ESRRG: variants seen among roughly 807,000 people sequenced by gnomAD.
ESRRG encodes estrogen related receptor gamma, also known as estrogen-related receptor gamma.
A neutral mutation model predicts 44.0 loss-of-function variants in ESRRG; 13 were observed. The observed-to-expected ratio is 0.30, with a 90% CI of 0.19 to 0.47. The LOEUF (loss-of-function observed/expected upper bound fraction) is 0.47. Among genes scored for constraint, ESRRG ranks in the 20% least tolerant of loss-of-function variants. The probability of loss-of-function intolerance (pLI) is 1.00; values close to 1 mark genes in which losing one functional copy is unlikely to be tolerated. For missense variants in ESRRG, 395 were observed against 580.6 expected (o/e 0.68, Z 3.29); for synonymous variants, 215 against 214.6 (o/e 1.00, Z -0.02).
At chr1:216,872,846 G>A (rs2096277278) in intron 2 of ESRRG, among the ~76,000 whole-genome samples, 1 of 152,020 alleles carries the variant, frequency 6.6e-6, no homozygotes, top group African/African-American at 2.4e-5. Flanking sequence ...AAATTTTTCT[G>A]GTTTTTCTTA....
At chr1:216,726,027 T>C (rs899463315), upstream of ESRRG, among the ~76,000 whole-genome samples, 1 of 152,208 alleles carries the variant, frequency 6.6e-6, no homozygotes, top group Non-Finnish European at 1.5e-5. Flanking sequence ...CTCATTATGA[T>C]CCATTTGACT....
At chr1:216,958,150 T>C (rs527962782) in intron 1 of ESRRG, among the ~76,000 whole-genome samples, 42 of 152,342 alleles carry the variant, frequency 2.8e-4, no homozygotes, top group African/African-American at 9.6e-4. Flanking sequence ...TTCCATTGTA[T>C]AAATATCCCC....
At chr1:216,950,448 G>A (rs2066767880) in intron 1 of ESRRG, among the ~76,000 whole-genome samples, 1 of 152,174 alleles carries the variant, frequency 6.6e-6, no homozygotes, top group African/African-American at 2.4e-5. Context: ...TAGTAAAGGA[G>A]AGTGTATCTG....
intron 1 of ESRRG, among the ~76,000 whole-genome samples, chr1:216,957,539 C>T (rs2150137906): frequency 6.6e-6 from 1 of 152,190 alleles, no homozygotes; most frequent in South Asian, 2.1e-4. Context: ...CAGAAACATC[C>T]TCAACTCTTT....
intron 1 of ESRRG, among the ~76,000 whole-genome samples, chr1:216,704,282 G>A (rs535935777): frequency 6.6e-6 from 1 of 152,196 alleles, no homozygotes; most frequent in Non-Finnish European, 1.5e-5. Flanking sequence ...GGAAGGCCGA[G>A]GCGGGTGGAT....
chr1:216,963,995 A>G (rs2069700918), intron 1 of ESRRG, among the ~76,000 whole-genome samples: 1 of 152,202 alleles, frequency 6.6e-6, no homozygotes, highest in Non-Finnish European at 1.5e-5. Context: ...TTAATCAGGC[A>G]AAGATACTAC....
At chr1:216,662,810 C>G (rs907954633) in intron 2 of ESRRG, among the ~76,000 whole-genome samples, 12 of 152,286 alleles carry the variant, frequency 7.9e-5, no homozygotes, top group Non-Finnish European at 1.8e-4. Context: ...TGCTGTGACT[C>G]CTTAACTCAG....
chr1:216,760,606 A>T (rs73093969), intron 2 of ESRRG, among the ~76,000 whole-genome samples: 6,487 of 152,010 alleles, frequency 0.043, 458 homozygotes, highest in African/African-American at 0.15. Context: ...TTTTCTCTAA[A>T]AATAACATAA....
chr1:216,924,431 T>C (rs2062245778), intron 2 of ESRRG, among the ~76,000 whole-genome samples: 1 of 152,036 alleles, frequency 6.6e-6, no homozygotes, highest in East Asian at 1.9e-4. Context: ...AGGGTCCAAT[T>C]CGCCTCCACA....
chr1:216,801,851 C>T (rs2094632230), intron 2 of ESRRG, among the ~76,000 whole-genome samples: 2 of 152,100 alleles, frequency 1.3e-5, no homozygotes, highest in African/African-American at 2.4e-5. Context: ...TTGATTTCTA[C>T]TTCAGAGGAA....
chr1:216,560,189 C>T (rs1572975738), intron 5 of ESRRG, among the ~76,000 whole-genome samples: 1 of 151,992 alleles, frequency 6.6e-6, no homozygotes, highest in South Asian at 2.1e-4. Flanking sequence ...TAACTCCTGC[C>T]TCCAGTTGAT....
chr1:216,707,446 C>A (rs1294104187), intron 1 of ESRRG: 1 of 1,535,500 alleles, frequency 6.5e-7, no homozygotes, highest in Non-Finnish European at 8.7e-7. Context: ...TCTAAATGCA[C>A]AATTCCTAAT....
chr1:217,019,104 C>T (rs78146833), intron 1 of ESRRG, among the ~76,000 whole-genome samples: 48 of 152,282 alleles, frequency 3.2e-4, no homozygotes, highest in Non-Finnish European at 5.6e-4. Context: ...TTTTATTTCT[C>T]AGATAAAATT....
intron 2 of ESRRG, among the ~76,000 whole-genome samples, chr1:216,901,039 C>T (rs774480627): frequency 6.6e-6 from 1 of 152,170 alleles, no homozygotes; most frequent in Non-Finnish European, 1.5e-5. Flanking sequence ...ATCCCAGATT[C>T]ATTGCTGCTG....
chr1:217,075,590 C>CCA (rs2091181039), intron 1 of ESRRG, among the ~76,000 whole-genome samples: 1 of 71,710 alleles, frequency 1.4e-5, no homozygotes, highest in Non-Finnish European at 3.2e-5. Context: ...TTGCTCCTTT[C>CCA]CCCCCCCCAA....
intron 2 of ESRRG, among the ~76,000 whole-genome samples, chr1:216,939,349 A>AC (rs2064760476): frequency 1.1e-5 from 1 of 90,816 alleles, no homozygotes; most frequent in Non-Finnish European, 2.1e-5. Flanking sequence ...TAGACAAAAA[A>AC]AAAAAAAAAA....
Position 216,506,594 on chromosome 1 carries a change from A to C in ESRRG, c.*345T>G, listed in dbSNP as rs2148700974. ...AAAAGAGAGGAATGAGAGTAGGTAA[A>C]GAAAAGAAAGAAGGCAGGCAGACGG... On this transcript the variant is annotated 3_prime_UTR_variant, in exon 7 of 7. Coordinates refer to ENST00000408911, the MANE Select transcript of ESRRG (RefSeq NM_001438.4). 1 of 473,692 alleles carries C rather than the reference A, an allele frequency of 2.1e-6. No homozygotes were observed. The highest frequency in any genetic ancestry group is 2.0e-5 in the African/African-American group (1 of 50,948). 29.3% of individuals were successfully genotyped at this position (473,692 alleles called of 1,614,324 possible). A position where few individuals can be genotyped will look rare whatever the true frequency, so the allele number is the denominator to read the frequency against.
chr1:216,776,294 C>A (rs2093611107), intron 2 of ESRRG, among the ~76,000 whole-genome samples: 1 of 152,026 alleles, frequency 6.6e-6, no homozygotes, highest in South Asian at 2.1e-4. Context: ...ATACGGCAAC[C>A]ACTCCCCACT....
At chr1:216,875,179 A>G (rs1464008632) in intron 2 of ESRRG, among the ~76,000 whole-genome samples, 3 of 152,142 alleles carry the variant, frequency 2.0e-5, no homozygotes, top group African/African-American at 4.8e-5. Flanking sequence ...AGAGAACCCT[A>G]ATACGAGCCC....
Sources: gnomAD v4.1 joint callset for allele counts (sites outside exome capture counted in the v4.1 genomes callset) on GRCh38, gnomAD v4.1.1 for gene constraint, MANE v1.5 for transcripts, NCBI Gene and HGNC (gene_info 2026-07-23, HGNC 2026-07-21) for gene names.